Variants in TFPI2 observed in about 807,000 individuals in gnomAD.
TFPI2 encodes tissue factor pathway inhibitor 2.
A neutral mutation model predicts 23.1 loss-of-function variants in TFPI2; 23 were observed. The observed-to-expected ratio is 1.00, with a 90% CI of 0.72 to 1.41. The LOEUF (loss-of-function observed/expected upper bound fraction) is 1.41. TFPI2 is among the 40% of genes most tolerant of loss of function. TFPI2 has a pLI of 0.00. For missense variants in TFPI2, 291 were observed against 299.6 expected, an observed-to-expected ratio of 0.97 and a Z score of 0.21; for synonymous variants, 119 against 111.7, an observed-to-expected ratio of 1.07 and a Z score of -0.41.
chr7:93,886,157 A>G lies in TFPI2; in HGVS notation c.*663T>C, dbSNP rs553820203. On this transcript the variant is annotated 3_prime_UTR_variant, in exon 5 of 5. Coordinates refer to ENST00000222543, the MANE Select transcript of TFPI2 (RefSeq NM_006528.4). The stretch of plus-strand genomic sequence containing the variant: ...AATAGGAAAACCCTTAAAACCATCT[A>G]TCTCTATGTAAACACAAACATATAC... 9 of 152,154 alleles carry G rather than the reference A, an allele frequency of 5.9e-5. No individual in the cohort carries two copies. Among genetic ancestry groups the G allele is most frequent in the Admixed American group, 2.6e-4 (4 of 15,288 alleles). 9.4% of individuals were successfully genotyped at this position (152,154 alleles called of 1,614,324 possible). A position where few individuals can be genotyped will look rare whatever the true frequency, so the allele number is the denominator to read the frequency against.
At position 93,890,255 on chromosome 7, in the gene TFPI2, A is replaced by C; in HGVS notation, c.153T>G (p.Arg51=). 4.3e-6 allele frequency: 7 copies of C among 1,613,846 alleles called. No individual in the cohort carries two copies. Among genetic ancestry groups the C allele is most frequent in the Non-Finnish European group, 5.9e-6 (7 of 1,179,720 alleles). ...DYGPCRALLL[R]YYYDRYTQSC... is the part of the protein sequence containing the mutation. ...TCTGCGTGTACCTGTCGTAGTAGTA[A>C]CGGAGAAGTAGGGCCCGGCAGGGTC... Residue 51 remains arginine, a synonymous_variant, in exon 2 of 5, where the codon CGT becomes CGG. Transcript: ENST00000222543.
intron 3 of TFPI2, among the ~76,000 whole-genome samples, chr7:93,887,651 T>A (rs1247762213): frequency 6.6e-6 from 1 of 152,180 alleles, no homozygotes; most frequent in Non-Finnish European, 1.5e-5. Flanking sequence ...TAGAATTTCT[T>A]CTGAAGCTAC....
chr7:93,890,573 C>T lies in TFPI2; in HGVS notation c.88+18G>A, dbSNP rs1255485073. ...TCTCCGCCGGTTGGGGAGAGAAGCTCCTGGAGCGGCCAGATACCTGTTGGC... is the reference window on the plus strand; with the variant it reads ...TCTCCGCCGGTTGGGGAGAGAAGCTTCTGGAGCGGCCAGATACCTGTTGGC... On this transcript the variant is annotated intron_variant, in intron 1 of 4. Transcript: ENST00000222543. 2 of 1,612,030 alleles carry T rather than the reference C, an allele frequency of 1.2e-6. No individual in the cohort carries two copies. The highest frequency in any genetic ancestry group is 1.3e-5 in the African/African-American group (1 of 74,964).
Position 93,887,414 on chromosome 7 carries a change from T to G in TFPI2, c.478A>C (p.Ser160Arg), listed in dbSNP as rs1215944589. The G allele has an allele frequency of 6.2e-7, 1 of 1,605,708 alleles. No individual in the cohort carries two copies. Among genetic ancestry groups the G allele is most frequent in the Non-Finnish European group, 8.5e-7 (1 of 1,177,922 alleles). The change falls in exon 4 of 5, where the codon AGT becomes CGT. Residue 160 changes from serine to arginine, a missense_variant. Coordinates refer to ENST00000222543, the MANE Select transcript of TFPI2 (RefSeq NM_006528.4). The stretch of plus-strand genomic sequence containing the variant: ...GAGCACAGTCCCTCATCTTTTGGAC[T>G]GTAGCAAAATGATGGAACTTTATAA... Reference protein sequence around the residue: ...APKKIPSFCYSPKDEGLCSAN... With the variant: ...APKKIPSFCYRPKDEGLCSAN...
intron 3 of TFPI2, among the ~76,000 whole-genome samples, chr7:93,888,102 A>G (rs969243258): frequency 6.6e-6 from 1 of 152,018 alleles, no homozygotes; most frequent in East Asian, 1.9e-4. Context: ...TCAAGGATTC[A>G]GGGGTGGTGG....
rs781072214 is a variant in TFPI2 at position 93,887,343 on chromosome 7, A to G, written c.549T>C (p.Cys183=). Residue 183 remains cysteine (C), a synonymous_variant, in exon 4 of 5, where the codon TGT becomes TGC. Transcript: ENST00000222543. ...CACAGCCAGTATAGGTGAAAGCATC[A>G]CAGGTTCTGTATCTTGGATTAAAAT... ...RYYFNPRYRT[C]DAFTYTGCGG... 1.2e-6 allele frequency: 2 copies of G among 1,613,922 alleles called. No individual in the cohort carries two copies. The highest frequency in any genetic ancestry group is 1.1e-5 in the South Asian group (1 of 91,058).
rs947571424 is a variant in TFPI2 at position 93,887,531 on chromosome 7, G to A, written c.461-100C>T. 1.5e-5 allele frequency: 14 copies of A among 911,080 alleles called. No individual in the cohort carries two copies. The African/African-American group carries it at 2.0e-4, about 13-fold the overall frequency. 56.4% of individuals were successfully genotyped at this position (911,080 alleles called of 1,614,324 possible). ...CTGAAGAAAATCTAATCCCATAGAA[G>A]CCTCAGTCTGAATCCAAAATATCAT... On this transcript the variant is annotated intron_variant, in intron 3 of 4. Coordinates refer to ENST00000222543, the MANE Select transcript of TFPI2 (RefSeq NM_006528.4).
intron 3 of TFPI2, among the ~76,000 whole-genome samples, chr7:93,888,723 A>C (rs56036145): frequency 0.13 from 19,949 of 151,770 alleles, 2,649 homozygotes; most frequent in African/African-American, 0.34. Flanking sequence ...GCTACTCAGG[A>C]GGCTGAGGCA....
intron 3 of TFPI2, among the ~76,000 whole-genome samples, chr7:93,888,607 G>GAAAGAAAGAAAGAAAGAA (rs1247111128): frequency 5.0e-5 from 7 of 140,358 alleles, no homozygotes; most frequent in Non-Finnish European, 9.1e-5. Flanking sequence ...AAGAAAGAAA[G>GAAAGAAAGAAAGAAAGAA]AGAAAAAGAA....
At chr7:93,887,508 G>A in intron 3 of TFPI2, 77 bp from the exon 4 acceptor site, 1 of 1,162,164 alleles carries the variant, frequency 8.6e-7, no homozygotes, top group Non-Finnish European at 1.2e-6. Flanking sequence ...TGAAGTAACT[G>A]AAGAAAATCT....
intron 3 of TFPI2, among the ~76,000 whole-genome samples, chr7:93,888,544 A>AAG (rs1794045155): frequency 2.7e-4 from 28 of 105,316 alleles, no homozygotes; most frequent in Non-Finnish European, 4.3e-4. Flanking sequence ...AAGGAAGGAA[A>AAG]GAAGGAAGGA....
Position 93,890,460 on chromosome 7 carries a change from C to A in TFPI2, c.88+131G>T, listed in dbSNP as rs1247015496. Reference sequence around the variant, plus strand: ...AGAAAGTGCAAACTTGGGAGCGAGTCCCCCCTGCCAGCGGAGCGCGCGGCA... The same window carrying A: ...AGAAAGTGCAAACTTGGGAGCGAGTACCCCCTGCCAGCGGAGCGCGCGGCA... On this transcript the variant is annotated intron_variant, in intron 1 of 4. Transcript: ENST00000222543. The A allele has an allele frequency of 5.0e-6, 7 of 1,403,606 alleles. No individual in the cohort carries two copies. The East Asian group carries it at 1.5e-4, about 30-fold the overall frequency. The allele number at this position is 1,403,606 out of a possible 1,614,324, so 86.9% of individuals were successfully genotyped here.
At chr7:93,887,780 G>C (rs1024388) in intron 3 of TFPI2, among the ~76,000 whole-genome samples, 9,268 of 152,150 alleles carry the variant, frequency 0.061, 448 homozygotes, top group East Asian at 0.17. Context: ...TTGTCGTGTT[G>C]GTAGTTTTGC....
At position 93,887,314 on chromosome 7, in the gene TFPI2, C is replaced by T; in HGVS notation, c.578G>A (p.Gly193Glu). 1 of 1,613,172 alleles carries T rather than the reference C, an allele frequency of 6.2e-7. No homozygotes were observed. Among genetic ancestry groups the T allele is most frequent in the Non-Finnish European group, 8.5e-7 (1 of 1,179,532 alleles). The change falls in exon 4 of 5, where the codon GGG (glycine) becomes GAG (glutamate). Residue 193 changes from glycine to glutamate, a missense_variant. Coordinates refer to ENST00000222543, the MANE Select transcript of TFPI2 (RefSeq NM_006528.4). The part of the protein sequence containing the change: ...CDAFTYTGCG[G>E]NDNNFVSRED... ...CCTGCTAACAAAGTTATTGTCATTC[C>T]CTCCACAGCCAGTATAGGTGAAAGC...
chr7:93,888,588 A>AAGGAAGGAAGGAAG (rs1562778499), intron 3 of TFPI2, among the ~76,000 whole-genome samples: 3 of 58,622 alleles, frequency 5.1e-5, no homozygotes, highest in Non-Finnish European at 9.4e-5. Flanking sequence ...AAGGAAGGAA[A>AAGGAAGGAAGGAAG]GAGAAAGAAA....
chr7:93,890,485 A>G, intron 1 of TFPI2, 106 bp downstream of exon 1: 1 of 1,437,472 alleles, frequency 7.0e-7, no homozygotes, highest in South Asian at 1.4e-5. Context: ...AGCGCGCGGC[A>G]GGGACCTGGA....
In TFPI2 at chr7:93,886,662, TA is replaced by T; in HGVS notation, c.*157del. On this transcript the variant is annotated 3_prime_UTR_variant, in exon 5 of 5. Transcript: ENST00000222543. Reference sequence around the variant, plus strand: ...CATTTGAATAGCAGCTAGTTATATATAAAAAAATCCAAATTTTTTAAAAAGT... The same window carrying T: ...CATTTGAATAGCAGCTAGTTATATATAAAAAATCCAAATTTTTTAAAAAGT... The T allele has an allele frequency of 5.7e-6, 3 of 527,066 alleles. No homozygotes were observed. Among genetic ancestry groups the T allele is most frequent in the Non-Finnish European group, 6.5e-6 (2 of 308,692 alleles). The allele number at this position is 527,066 out of a possible 1,614,324, so 32.6% of individuals were successfully genotyped here.
rs1794009914 is a variant in TFPI2 at position 93,887,196 on chromosome 7, TATA to T, written c.631+62_631+64del. 8.2e-6 allele frequency: 12 copies of T among 1,458,658 alleles called. No homozygotes were observed. The South Asian group carries it at 1.6e-4, about 20-fold the overall frequency. 90.4% of individuals were successfully genotyped at this position (1,458,658 alleles called of 1,614,324 possible). A position where few individuals can be genotyped will look rare whatever the true frequency, so the allele number is the denominator to read the frequency against. ...TATTAGTAAAATGGATAAATAAAAA[TATA>T]ATTTTTCTGATAAGTTATTTATAAA... is the stretch of plus-strand genomic sequence containing the variant. On this transcript the variant is annotated intron_variant, in intron 4 of 4. Coordinates refer to ENST00000222543, the MANE Select transcript of TFPI2 (RefSeq NM_006528.4).
chr7:93,889,356 C>T (rs1794080386), intron 2 of TFPI2, 133 bp from the exon 3 acceptor site: 2 of 758,488 alleles, frequency 2.6e-6, no homozygotes, highest in Non-Finnish European at 4.1e-6. Context: ...ACCCAGAATA[C>T]TCCCATGAAT....
Sources: gnomAD v4.1 joint callset for allele counts (sites outside exome capture counted in the v4.1 genomes callset) on GRCh38, gnomAD v4.1.1 for gene constraint, MANE v1.5 for transcripts, NCBI Gene and HGNC (gene_info 2026-07-23, HGNC 2026-07-21) for gene names.